GNAQ: variants seen among roughly 807,000 people sequenced by gnomAD.
GNAQ encodes the protein G protein subunit alpha q.
Under a neutral mutation model 43.9 loss-of-function variants are expected in GNAQ, and 8 were observed. That is an observed-to-expected ratio of 0.18 (90% CI 0.11 to 0.33). The LOEUF is 0.33. Among genes scored for constraint, GNAQ ranks in the 10% least tolerant of loss-of-function variants. The pLI is 1.00. For synonymous variants in GNAQ, 155 were observed against 170.7 expected (o/e 0.91, Z 0.71); for missense variants, 158 against 450.8 (o/e 0.35, Z 5.88).
At position 78,031,709 on chromosome 9, in the gene GNAQ, C is replaced by T. The variant is rs1173323896; in HGVS notation, c.-474G>A. On this transcript the variant is annotated 5_prime_UTR_variant, in exon 1 of 7. Coordinates refer to ENST00000286548, the MANE Select transcript of GNAQ (RefSeq NM_002072.5). The stretch of plus-strand genomic sequence containing the variant: ...CGACGGCTCCCCGCGCCCGGCGCGC[C>T]CGCTCCTCGCCGCCGCCTGACACGG... 6.8e-6 allele frequency among the ~76,000 whole-genome samples: 1 copy of T among 147,534 alleles called. No individual in the cohort carries two copies. The highest frequency in any genetic ancestry group is 2.0e-4 in the East Asian group (1 of 4,980).
chr9:77,746,781 A>C (rs147983094), intron 5 of GNAQ, among the ~76,000 whole-genome samples: 335 of 152,284 alleles, frequency 2.2e-3, no homozygotes, highest in African/African-American at 6.7e-3. Context: ...ATAATAGAAG[A>C]TAATACAATC....
chr9:77,915,563 T>C (rs1268332550), intron 2 of GNAQ, among the ~76,000 whole-genome samples: 1 of 146,368 alleles, frequency 6.8e-6, no homozygotes, highest in Non-Finnish European at 1.5e-5. Context: ...ATTATCTATT[T>C]AACCCTTGAA....
At chr9:77,970,256 A>C (rs946948202) in intron 1 of GNAQ, among the ~76,000 whole-genome samples, 3 of 151,936 alleles carry the variant, frequency 2.0e-5, no homozygotes, top group African/African-American at 7.2e-5. Context: ...AACAAAAAAA[A>C]CTGACTGAGT....
chr9:77,802,564 C>A (rs1469229419), intron 3 of GNAQ, among the ~76,000 whole-genome samples: 2 of 151,484 alleles, frequency 1.3e-5, no homozygotes, highest in African/African-American at 2.4e-5. Context: ...AAAAAAAAAA[C>A]CACACCGAGG....
chr9:77,793,775 G>C (rs565672664), intron 5 of GNAQ, among the ~76,000 whole-genome samples: 1 of 151,858 alleles, frequency 6.6e-6, no homozygotes, highest in East Asian at 1.9e-4. Flanking sequence ...TTCCATAATC[G>C]ATTCATCGTC....
chr9:77,790,623 AACTCCTTC>A (rs1826552852), intron 5 of GNAQ, among the ~76,000 whole-genome samples: 1 of 152,190 alleles, frequency 6.6e-6, no homozygotes, highest in Non-Finnish European at 1.5e-5. Flanking sequence ...GAGTTATTTC[AACTCCTTC>A]ATGAAAGGGC....
At chr9:77,864,047 T>C (rs1386470797) in intron 2 of GNAQ, among the ~76,000 whole-genome samples, 1 of 151,910 alleles carries the variant, frequency 6.6e-6, no homozygotes, top group Non-Finnish European at 1.5e-5. Context: ...ACAAGAAGCA[T>C]GGCACCAGCA....
At chr9:77,908,057 G>T (rs953457050) in intron 2 of GNAQ, among the ~76,000 whole-genome samples, 15 of 152,136 alleles carry the variant, frequency 9.9e-5, no homozygotes, top group African/African-American at 3.6e-4. Flanking sequence ...TTTTTCATCT[G>T]TAGAATTAGA....
At chr9:77,893,020 A>C (rs1376019372) in intron 2 of GNAQ, among the ~76,000 whole-genome samples, 1 of 152,164 alleles carries the variant, frequency 6.6e-6, no homozygotes, top group Admixed American at 6.5e-5. Context: ...TCTAAGGGTA[A>C]ACTGCCCACT....
chr9:77,759,846 T>C (rs1825962347), intron 5 of GNAQ, among the ~76,000 whole-genome samples: 1 of 152,164 alleles, frequency 6.6e-6, no homozygotes, highest in African/African-American at 2.4e-5. Context: ...TAGACTACAG[T>C]ATATAATGTT....
chr9:77,745,220 G>A (rs1458122451), intron 5 of GNAQ, among the ~76,000 whole-genome samples: 1 of 152,110 alleles, frequency 6.6e-6, no homozygotes, highest in South Asian at 2.1e-4. Flanking sequence ...AAACAGCTGG[G>A]TTCTGCCATC....
chr9:77,834,908 G>A (rs1386898015), intron 2 of GNAQ, among the ~76,000 whole-genome samples: 1 of 152,154 alleles, frequency 6.6e-6, no homozygotes, highest in Non-Finnish European at 1.5e-5. Flanking sequence ...GAACTACATA[G>A]CCAAGGGCTG....
In GNAQ at chr9:77,815,603, G is replaced by GA. The variant is rs1826999664; in HGVS notation, c.476+12dup. On this transcript the variant is annotated intron_variant, in intron 3 of 6. Coordinates refer to ENST00000286548, the MANE Select transcript of GNAQ (RefSeq NM_002072.5). ...AGAGAAAAATCCATAGGGCCACCTG[G>GA]AAAGATACTCACTATTTGGTAGAGT... 6.3e-7 allele frequency: 1 copy of GA among 1,575,958 alleles called. No individual in the cohort carries two copies. The highest frequency in any genetic ancestry group is 8.7e-7 in the Non-Finnish European group (1 of 1,152,362).
chr9:77,796,704 A>T (rs897203531), intron 4 of GNAQ, among the ~76,000 whole-genome samples: 1 of 152,216 alleles, frequency 6.6e-6, no homozygotes, highest in Non-Finnish European at 1.5e-5. Flanking sequence ...TTTTTCAAGC[A>T]ACATATTTTA....
intron 2 of GNAQ, among the ~76,000 whole-genome samples, chr9:77,880,961 T>C (rs1828198259): frequency 2.6e-5 from 4 of 152,150 alleles, no homozygotes; most frequent in East Asian, 1.9e-4. Flanking sequence ...TGTGCAAAAA[T>C]AGCTTGAAGA....
intron 2 of GNAQ, among the ~76,000 whole-genome samples, chr9:77,905,477 T>C (rs1564147072): frequency 6.6e-6 from 1 of 152,182 alleles, no homozygotes; most frequent in Non-Finnish European, 1.5e-5. Context: ...AGGGGAAATC[T>C]TTTCAGACTC....
chr9:78,024,380 G>A (rs191876914), intron 1 of GNAQ, among the ~76,000 whole-genome samples: 10 of 152,232 alleles, frequency 6.6e-5, no homozygotes, highest in Admixed American at 4.6e-4. Flanking sequence ...CACTTCTTCC[G>A]ATTACCCTCC....
intron 5 of GNAQ, among the ~76,000 whole-genome samples, chr9:77,792,947 AT>A (rs1018313829): frequency 4.0e-5 from 6 of 151,820 alleles, no homozygotes; most frequent in African/African-American, 1.2e-4. Context: ...GGCAGAGTTG[AT>A]TTTTTTCCCC....
At chr9:77,940,128 A>T (rs1327710982) in intron 1 of GNAQ, among the ~76,000 whole-genome samples, 1 of 152,234 alleles carries the variant, frequency 6.6e-6, no homozygotes, top group Non-Finnish European at 1.5e-5. Flanking sequence ...AGGTTGTAAA[A>T]GAGCATCTAA....
Sources: allele counts gnomAD v4.1 joint callset (sites outside exome capture counted in the v4.1 genomes callset), GRCh38; gene constraint gnomAD v4.1.1; transcripts MANE v1.5; gene names NCBI Gene and HGNC (gene_info 2026-07-23, HGNC 2026-07-21).